The following XXYLT1 variants were observed in gnomAD, a reference collection of about 807,000 sequenced individuals.
XXYLT1 encodes the protein xyloside xylosyltransferase 1, also known as UDP-xylose:alpha-xyloside alpha-1,3-xylosyltransferase.
In XXYLT1, 20 loss-of-function variants were observed where a neutral mutation model predicts 28.9. The ratio of observed to expected loss-of-function variants is 0.69; its 90% CI spans 0.49 to 1.00. The LOEUF (loss-of-function observed/expected upper bound fraction) is 1.00, where lower values mean the gene tolerates loss of function less well. XXYLT1 is among the 50% of genes least tolerant of loss of function. The pLI is 0.00. For synonymous variants in XXYLT1, 257 were observed against 253.8 expected, an observed-to-expected ratio of 1.01 and a Z score of -0.12; for missense variants, 542 against 560.1, an observed-to-expected ratio of 0.97 and a Z score of 0.33.
In XXYLT1 at chr3:195,124,317, C is replaced by A. The variant is rs1316906511; in HGVS notation, c.785+32132G>T. Among the ~76,000 whole-genome samples, 1 of 152,166 alleles carries A rather than the reference C, an allele frequency of 6.6e-6. No homozygotes were observed. On this transcript the variant is annotated intron_variant, in intron 3 of 3. Transcript: ENST00000310380. This position sits in a 1 kb window ranked among gnomAD's most constrained non-coding sequence, Gnocchi z 4.1. ...GCTTTAAGGAAAATGACAAGGTTTT[C>A]TACAGGAACTGACCAGATGGTTGGG... is the stretch of plus-strand genomic sequence containing the variant.
At position 195,180,519 on chromosome 3, in the gene XXYLT1, G is replaced by A; in HGVS notation, c.653-23938C>T. The A allele has an allele frequency of 2.0e-6, 2 of 985,452 alleles. No homozygotes were observed. The highest frequency in any genetic ancestry group is 5.2e-4 in the Middle Eastern group (1 of 1,914). The allele number at this position is 985,452 out of a possible 1,614,324, so 61.0% of individuals were successfully genotyped here. On this transcript the variant is annotated intron_variant, in intron 2 of 3. Coordinates refer to ENST00000310380, the MANE Select transcript of XXYLT1 (RefSeq NM_152531.5). This position sits in a 1 kb window ranked among gnomAD's most constrained non-coding sequence, Gnocchi z 5.8. ...TCCTCTTCCTGGCTCTGTAGCCCTT[G>A]AAAAGAAGCAAACAAACAGATAAGG...
intron 3 of XXYLT1, among the ~76,000 whole-genome samples, chr3:195,147,562 C>T (rs1045269228): frequency 6.6e-6 from 1 of 152,166 alleles, no homozygotes; most frequent in South Asian, 2.1e-4. Flanking sequence ...AAGAAAGAAA[C>T]TATGTCTCAA....
In XXYLT1 at chr3:195,168,250, T is replaced by G. The variant is rs1401595088; in HGVS notation, c.653-11669A>C. Among the ~76,000 whole-genome samples, 3 of 152,182 alleles carry G rather than the reference T, an allele frequency of 2.0e-5. No individual in the cohort carries two copies. The highest frequency in any genetic ancestry group is 6.5e-5 in the Admixed American group (1 of 15,274). ...TCCCAGCCCTACCACCCTGTGATTC[T>G]GAACAGGAATGGTCTTTGCCCCTCA... On this transcript the variant is annotated intron_variant, in intron 2 of 3. Coordinates refer to ENST00000310380, the MANE Select transcript of XXYLT1 (RefSeq NM_152531.5). This position sits in a 1 kb window ranked among gnomAD's most constrained non-coding sequence, Gnocchi z 4.3.
At position 195,088,774 on chromosome 3, in the gene XXYLT1, T is replaced by C. The variant is rs984609681; in HGVS notation, c.786-18663A>G. Among the ~76,000 whole-genome samples, 4 of 139,140 alleles carry C rather than the reference T, an allele frequency of 2.9e-5. No homozygotes were observed. In the Admixed American group the frequency reaches 3.4e-4, roughly 12 times the overall value. 91.3% of individuals were successfully genotyped at this position (139,140 alleles called of 152,430 possible). A position where few individuals can be genotyped will look rare whatever the true frequency, so the allele number is the denominator to read the frequency against. On this transcript the variant is annotated intron_variant, in intron 3 of 3. Transcript: ENST00000310380. Reference sequence around the variant, plus strand: ...ACCAAAGGCAAAGAAGTTGAAAACTTTGAAAAAAATTTAGAAGAATATATA... The same window carrying C: ...ACCAAAGGCAAAGAAGTTGAAAACTCTGAAAAAAATTTAGAAGAATATATA...
In XXYLT1 at chr3:195,110,390, GGT is replaced by G. The variant is rs1449432307; in HGVS notation, c.786-40281_786-40280del. On this transcript the variant is annotated intron_variant, in intron 3 of 3. Coordinates refer to ENST00000310380, the MANE Select transcript of XXYLT1 (RefSeq NM_152531.5). ...GCGTGTGTGCTGTATAAGTGTGTGT[GGT>G]GTGTTATGTGTGTATAAGTGCGTCT... Among the ~76,000 whole-genome samples, 12 of 47,054 alleles carry G rather than the reference GGT, an allele frequency of 2.6e-4. 2 individuals are homozygous for G. The South Asian group carries it at 5.8e-3, about 23-fold the overall frequency. 30.9% of individuals were successfully genotyped at this position (47,054 alleles called of 152,430 possible).
intron 1 of XXYLT1, among the ~76,000 whole-genome samples, chr3:195,246,680 C>G (rs540578878): frequency 6.6e-6 from 1 of 152,138 alleles, no homozygotes; most frequent in Non-Finnish European, 1.5e-5. Flanking sequence ...AAAGGAGAGG[C>G]GGGGGTGAGC....
intron 3 of XXYLT1, among the ~76,000 whole-genome samples, chr3:195,130,725 G>A (rs1718861976): frequency 6.6e-6 from 1 of 152,148 alleles, no homozygotes; most frequent in Non-Finnish European, 1.5e-5. Flanking sequence ...TGGAGGGGCT[G>A]GGCTCAAGTC....
intron 2 of XXYLT1, among the ~76,000 whole-genome samples, chr3:195,223,523 T>G: frequency 6.6e-6 from 1 of 152,142 alleles, no homozygotes; most frequent in Non-Finnish European, 1.5e-5. Flanking sequence ...AATGCAGCAA[T>G]TACATGACAA....
At chr3:195,080,673 T>C (rs1715383517) in intron 3 of XXYLT1, among the ~76,000 whole-genome samples, 1 of 151,856 alleles carries the variant, frequency 6.6e-6, no homozygotes, top group Non-Finnish European at 1.5e-5. Context: ...CCAGGACACA[T>C]GGTGGGGTGT....
rs527576713 is a variant in XXYLT1, at chr3:195,184,279, A to G, written c.653-27698T>C. On this transcript the variant is annotated intron_variant, in intron 2 of 3. Transcript: ENST00000310380. Reference sequence around the variant, plus strand: ...AATTGCTTCAGTTTTACAACAGACGATATCAATTTTTCACATAACTTTCCA... The same window carrying G: ...AATTGCTTCAGTTTTACAACAGACGGTATCAATTTTTCACATAACTTTCCA... Among the ~76,000 whole-genome samples the G allele has an allele frequency of 1.2e-4, 19 of 152,328 alleles. 1 individual carries two copies. The highest frequency in any genetic ancestry group is 4.3e-4 in the African/African-American group (18 of 41,568).
At chr3:195,186,513 G>A (rs1041001581) in intron 2 of XXYLT1, among the ~76,000 whole-genome samples, 4 of 152,146 alleles carry the variant, frequency 2.6e-5, no homozygotes, top group African/African-American at 4.8e-5. Flanking sequence ...CACTCAATAT[G>A]CTCTCGGCCT....
intron 3 of XXYLT1, among the ~76,000 whole-genome samples, chr3:195,140,227 T>C (rs148067177): frequency 5.3e-5 from 8 of 152,380 alleles, no homozygotes; most frequent in South Asian, 4.1e-4. Flanking sequence ...TCCTTCTGCA[T>C]GGAATTATGG....
At chr3:195,151,518 A>G (rs1022535130) in intron 3 of XXYLT1, among the ~76,000 whole-genome samples, 1 of 152,148 alleles carries the variant, frequency 6.6e-6, no homozygotes, top group Non-Finnish European at 1.5e-5. Context: ...CAACAGAGAG[A>G]GACTCTGTCT....
intron 1 of XXYLT1, among the ~76,000 whole-genome samples, chr3:195,241,938 T>C (rs1724794569): frequency 6.6e-6 from 1 of 152,184 alleles, no homozygotes; most frequent in African/African-American, 2.4e-5. Context: ...TGTCATATTT[T>C]TCAGTGTTTA....
At chr3:195,126,812 C>T (rs1718657595) in intron 3 of XXYLT1, among the ~76,000 whole-genome samples, 1 of 152,198 alleles carries the variant, frequency 6.6e-6, no homozygotes, top group Non-Finnish European at 1.5e-5. Context: ...TCCCAGGGGC[C>T]CTCTGCTCTG....
At chr3:195,206,190 T>C (rs1331987010) in intron 2 of XXYLT1, among the ~76,000 whole-genome samples, 1 of 151,664 alleles carries the variant, frequency 6.6e-6, no homozygotes, top group Non-Finnish European at 1.5e-5. Context: ...TTTTGTATTT[T>C]TAGTAGAGAC....
chr3:195,202,013 C>G (rs1275440972), intron 2 of XXYLT1, among the ~76,000 whole-genome samples: 1 of 152,146 alleles, frequency 6.6e-6, no homozygotes, highest in Non-Finnish European at 1.5e-5. Context: ...CCCGTCTCTA[C>G]TAAAAATACA....
At chr3:195,141,015 T>A (rs1719459977) in intron 3 of XXYLT1, among the ~76,000 whole-genome samples, 1 of 152,158 alleles carries the variant, frequency 6.6e-6, no homozygotes, top group Non-Finnish European at 1.5e-5. Context: ...CTCTGCTCTC[T>A]CCATCATAAG....
At chr3:195,087,799 C>G (rs1715822761) in intron 3 of XXYLT1, among the ~76,000 whole-genome samples, 1 of 152,114 alleles carries the variant, frequency 6.6e-6, no homozygotes, top group African/African-American at 2.4e-5. Flanking sequence ...GAGTGCCAGA[C>G]AGTGGGCGCA....
Sources: gnomAD v4.1 joint callset for allele counts (sites outside exome capture counted in the v4.1 genomes callset) on GRCh38, gnomAD v4.1.1 for gene constraint, Gnocchi (gnomAD v3.1) non-coding constraint, MANE v1.5 for transcripts, NCBI Gene and HGNC (gene_info 2026-07-23, HGNC 2026-07-21) for gene names.